Variants in FRMD4B observed in about 807,000 individuals in gnomAD.
The protein encoded by FRMD4B is FERM domain-containing protein 4B.
Under a neutral mutation model 141.5 loss-of-function variants are expected in FRMD4B, and 74 were observed. That is an observed-to-expected ratio of 0.52 (90% CI 0.43 to 0.63). The LOEUF (loss-of-function observed/expected upper bound fraction) is 0.63, where lower values mean the gene tolerates loss of function less well. Among genes scored for constraint, FRMD4B ranks in the 30% least tolerant of loss-of-function variants. The pLI is 0.00. For missense variants in FRMD4B, 1,366 were observed against 1,253.4 expected (o/e 1.09, Z -1.36); for synonymous variants, 506 against 467.9 (o/e 1.08, Z -1.05).
At chr3:69,414,445 C>A (rs1324857640) in intron 2 of FRMD4B, among the ~76,000 whole-genome samples, 2 of 152,220 alleles carry the variant, frequency 1.3e-5, no homozygotes, top group African/African-American at 4.8e-5. Flanking sequence ...AGAGATGGTT[C>A]TTCTTTTCAG....
In FRMD4B at chr3:69,437,940, AT is replaced by A. The variant is rs1216990424; in HGVS notation, c.-128-5180del. The stretch of plus-strand genomic sequence containing the variant: ...ATATATTATATATTATATATACTAT[AT>A]AACATATACTAATATAATACTACAT... On this transcript the variant is annotated intron_variant, in intron 1 of 5. Transcript: ENST00000459638. Among the ~76,000 whole-genome samples, 6 of 129,382 alleles carry A rather than the reference AT, an allele frequency of 4.6e-5. No homozygotes were observed. The Admixed American group carries it at 5.2e-4, about 11-fold the overall frequency. The allele number at this position is 129,382 out of a possible 152,430, so 84.9% of individuals were successfully genotyped here.
At chr3:69,477,728 T>C (rs1247660678) in intron 1 of FRMD4B, among the ~76,000 whole-genome samples, 1 of 151,132 alleles carries the variant, frequency 6.6e-6, no homozygotes, top group Non-Finnish European at 1.5e-5. Flanking sequence ...TAAAATGAGT[T>C]AGGGAGGATT....
At chr3:69,264,033 G>A (rs572753268) in intron 5 of FRMD4B, among the ~76,000 whole-genome samples, 1 of 151,658 alleles carries the variant, frequency 6.6e-6, no homozygotes, top group East Asian at 1.9e-4. Flanking sequence ...ATGTTGGCCA[G>A]GCTGGTCTCA....
At chr3:69,249,766 A>C (rs1704769702) in intron 6 of FRMD4B, among the ~76,000 whole-genome samples, 1 of 152,228 alleles carries the variant, frequency 6.6e-6, no homozygotes, top group Non-Finnish European at 1.5e-5. Flanking sequence ...TCCCAAATTC[A>C]AGTATCCCAG....
At chr3:69,285,865 G>T (rs865971422) in intron 5 of FRMD4B, among the ~76,000 whole-genome samples, 5 of 151,446 alleles carry the variant, frequency 3.3e-5, no homozygotes, top group Non-Finnish European at 5.9e-5. Context: ...AAAAATAATT[G>T]CTCAAAGCAG....
chr3:69,300,988 G>A (rs1042002736), intron 4 of FRMD4B, among the ~76,000 whole-genome samples: 5 of 151,886 alleles, frequency 3.3e-5, no homozygotes, highest in Non-Finnish European at 7.4e-5. Context: ...TGCCTACCTC[G>A]GCCTCCCAAA....
rs147335765 is a variant in FRMD4B at position 69,417,146 on chromosome 3, G to A, written c.-1+15488C>T. Among the ~76,000 whole-genome samples the A allele has an allele frequency of 1.2e-3, 177 of 152,284 alleles. 1 individual carries two copies. The highest frequency in any genetic ancestry group is 4.0e-3 in the African/African-American group (166 of 41,568). On this transcript the variant is annotated intron_variant, in intron 2 of 5. Transcript: ENST00000459638. ...TGCCACACTGTCTTCCACAATGGTC[G>A]AACTAATTTGCATTCCCACCAACAG...
Position 69,270,711 on chromosome 3 carries a change from G to A in FRMD4B, c.501+17041C>T, listed in dbSNP as rs969395358. On this transcript the variant is annotated intron_variant, in intron 5 of 22. Coordinates refer to ENST00000398540, the MANE Select transcript of FRMD4B (RefSeq NM_015123.3). ...CTCCCGAGTAGCTGGGACTACAGGC[G>A]CCCGCCATCATGCCCGGCTAATTTT... is the stretch of plus-strand genomic sequence containing the variant. Among the ~76,000 whole-genome samples, 14 of 151,864 alleles carry A rather than the reference G, an allele frequency of 9.2e-5. No homozygotes were observed. In the East Asian group the frequency reaches 2.3e-3, roughly 25 times the overall value.
At chr3:69,536,687 A>G in intron 1 of FRMD4B, 1 of 721,802 alleles carries the variant, frequency 1.4e-6, no homozygotes, top group Middle Eastern at 3.0e-4. Flanking sequence ...CACTCCCAGG[A>G]GGGGAGGCAT....
Position 69,245,349 on chromosome 3 carries a change from G to GTTTTTTT in FRMD4B, c.581+3876_581+3877insAAAAAAA, listed in dbSNP as rs1218555167. ...TGTGTGTGTGTGTGTGTGTGTGTGT[G>GTTTTTTT]TGTGTTTTTAGACAGAGTCTTGCTC... is the stretch of plus-strand genomic sequence containing the variant. On this transcript the variant is annotated intron_variant, in intron 7 of 22. Transcript: ENST00000398540. Among the ~76,000 whole-genome samples, 337 of 151,100 alleles carry GTTTTTTT rather than the reference G, an allele frequency of 2.2e-3. 1 individual carries two copies. Among genetic ancestry groups the GTTTTTTT allele is most frequent in the African/African-American group, 8.1e-3 (331 of 40,776 alleles).
At chr3:69,173,909 C>T (rs959478684) in intron 22 of FRMD4B, among the ~76,000 whole-genome samples, 9 of 152,160 alleles carry the variant, frequency 5.9e-5, no homozygotes, top group Admixed American at 3.3e-4. Flanking sequence ...GAGGCTGAGG[C>T]GGGTGGATCA....
chr3:69,228,542 A>C, intron 7 of FRMD4B: 1 of 440,066 alleles, frequency 2.3e-6, no homozygotes, highest in South Asian at 1.6e-5. Flanking sequence ...ATCTTCACAT[A>C]AGTCAGAGCT....
chr3:69,471,617 T>G lies in FRMD4B; in HGVS notation c.-128-38856A>C, dbSNP rs57694661. Reference sequence around the variant, plus strand: ...TTAATGATTTTCTCTCTGTTTTCCTTTTTTCCCCCCCAAAATACATGTCTC... The same window carrying G: ...TTAATGATTTTCTCTCTGTTTTCCTGTTTTCCCCCCCAAAATACATGTCTC... On this transcript the variant is annotated intron_variant, in intron 1 of 5. Coordinates refer to the FRMD4B transcript ENST00000459638. 2.2e-3 allele frequency: 411 copies of G among 185,172 alleles called. 2 individuals carry two copies. The highest frequency in any genetic ancestry group is 9.3e-3 in the African/African-American group (397 of 42,556). The allele number at this position is 185,172 out of a possible 1,614,324, so 11.5% of individuals were successfully genotyped here.
chr3:69,369,240 CATACAT>C (rs1427372351), intron 1 of FRMD4B, among the ~76,000 whole-genome samples: 1 of 152,140 alleles, frequency 6.6e-6, no homozygotes, highest in Non-Finnish European at 1.5e-5. Context: ...TACATAAATA[CATACAT>C]GTATTTGTAC....
At chr3:69,295,887 G>A (rs1701018878) in intron 4 of FRMD4B, among the ~76,000 whole-genome samples, 1 of 152,002 alleles carries the variant, frequency 6.6e-6, no homozygotes, top group African/African-American at 2.4e-5. Flanking sequence ...CGTGATCTTG[G>A]CTCACTACAA....
At chr3:69,241,086 G>C (rs912935357) in intron 7 of FRMD4B, among the ~76,000 whole-genome samples, 2 of 152,234 alleles carry the variant, frequency 1.3e-5, no homozygotes, top group Admixed American at 1.3e-4. Flanking sequence ...TGGGTCAAGA[G>C]AGTTACTTCC....
At chr3:69,267,570 T>C in intron 5 of FRMD4B, among the ~76,000 whole-genome samples, 1 of 19,146 alleles carries the variant, frequency 5.2e-5, no homozygotes, top group Non-Finnish European at 1.0e-4. Flanking sequence ...TTAGTACATA[T>C]ATATATATGT....
At chr3:69,325,640 T>A (rs955454852) in intron 1 of FRMD4B, among the ~76,000 whole-genome samples, 1 of 152,132 alleles carries the variant, frequency 6.6e-6, no homozygotes, top group African/African-American at 2.4e-5. Context: ...TTTCTGCCCC[T>A]ATGAAATGGA....
Position 69,477,622 on chromosome 3 carries a change from A to C in FRMD4B, c.-128-44861T>G, listed in dbSNP as rs1442207358. Among the ~76,000 whole-genome samples, 15 of 151,966 alleles carry C rather than the reference A, an allele frequency of 9.9e-5. No individual in the cohort carries two copies. The East Asian group carries it at 2.9e-3, about 29-fold the overall frequency. On this transcript the variant is annotated intron_variant, in intron 1 of 5. Transcript: ENST00000459638. ...TTGGTTTGCCAGTATTTTATTGAGG[A>C]TTTTTGCATCAATGTTCATCAAGGA...
Sources: allele counts gnomAD v4.1 joint callset (sites outside exome capture counted in the v4.1 genomes callset), GRCh38; gene constraint gnomAD v4.1.1; transcripts MANE v1.5; gene names NCBI Gene and HGNC (gene_info 2026-07-23, HGNC 2026-07-21).